Variants in EIF3M observed in about 807,000 individuals in gnomAD.
EIF3M encodes the protein eukaryotic translation initiation factor 3 subunit M, also known as B5 receptor.
In EIF3M, 25 loss-of-function variants were observed where a neutral mutation model predicts 49.7. The observed-to-expected ratio is 0.50, with a 90% CI of 0.37 to 0.70. The LOEUF (loss-of-function observed/expected upper bound fraction) is 0.70, where lower values mean the gene tolerates loss of function less well. EIF3M is among the 30% of genes least tolerant of loss of function. The probability of loss-of-function intolerance (pLI) is 0.00; values close to 1 mark genes in which losing one functional copy is unlikely to be tolerated. For synonymous variants in EIF3M, 156 were observed against 149.8 expected, an observed-to-expected ratio of 1.04 and a Z score of -0.30; for missense variants, 350 against 440.0, an observed-to-expected ratio of 0.80 and a Z score of 1.83.
intron 1 of EIF3M, 182 bp from the exon 2 acceptor site, chr11:32,586,830 G>A: frequency 1.5e-6 from 1 of 685,476 alleles, no homozygotes; most frequent in Non-Finnish European, 2.2e-6. Flanking sequence ...GGACCTCATG[G>A]AGGAAAACCT....
chr11:32,599,374 G>A (rs1245547743), intron 8 of EIF3M, among the ~76,000 whole-genome samples: 2 of 151,944 alleles, frequency 1.3e-5, no homozygotes, highest in Non-Finnish European at 2.9e-5. Context: ...TTGAGTTATG[G>A]TGATCATGTT....
At chr11:32,596,308 C>T (rs541122487) in intron 8 of EIF3M, among the ~76,000 whole-genome samples, 1 of 152,038 alleles carries the variant, frequency 6.6e-6, no homozygotes, top group East Asian at 1.9e-4. Flanking sequence ...GAAAACAACT[C>T]GGGGCCCAGC....
chr11:32,588,594 A>C lies in EIF3M; in HGVS notation c.176A>C (p.Asp59Ala). The change falls in exon 3 of 11, where the codon GAT becomes GCT. Residue 59 changes from aspartate (D) to alanine (A), a missense_variant and splice_region_variant. By Grantham distance (126) the Asp-to-Ala change is moderately radical. Transcript: ENST00000531120. ...CDVCLKEDDK[D>A]VESVMNSVVS... The stretch of plus-strand genomic sequence containing the variant: ...GATTGTGTTATCCATACTTGTGTAG[A>C]TGTTGAAAGTGTGATGAACAGTGTG... 1.2e-6 allele frequency: 2 copies of C among 1,614,024 alleles called. No homozygotes were observed. The highest frequency in any genetic ancestry group is 1.3e-5 in the African/African-American group (1 of 75,038).
At chr11:32,593,459 G>C (rs1452230574) in intron 5 of EIF3M, among the ~76,000 whole-genome samples, 2 of 152,020 alleles carry the variant, frequency 1.3e-5, no homozygotes, top group African/African-American at 4.8e-5. Context: ...CTTTATACTT[G>C]GTTTTCCCTC....
At position 32,602,428 on chromosome 11, in the gene EIF3M, G is replaced by A; in HGVS notation, c.*29G>A. On this transcript the variant is annotated 3_prime_UTR_variant, in exon 11 of 11. Transcript: ENST00000531120. ...TTTATGCTTATAATTTTTGTTCTTT[G>A]AAAAAAAAGCCCTAAATCATAGTAA... 4.4e-6 allele frequency: 7 copies of A among 1,585,496 alleles called. No individual in the cohort carries two copies. Among genetic ancestry groups the A allele is most frequent in the South Asian group, 1.2e-5 (1 of 85,854 alleles).
chr11:32,588,701 G>A lies in EIF3M; in HGVS notation c.283G>A (p.Glu95Lys), dbSNP rs760017065. Residue 95 changes from glutamate (E) to lysine (K), a missense_variant, in exon 3 of 11, where the codon GAA becomes AAA. Glu to Lys is a moderately conservative substitution (Grantham distance 56, BLOSUM62 1). Coordinates refer to ENST00000531120, the MANE Select transcript of EIF3M (RefSeq NM_006360.6). ...ATGTGAAAAGCTGGTCAAATTTCGC[G>A]AAGGTGAACGCCCGTCTCTGAGACT... ...SLCEKLVKFREGERPSLRLQL... is the reference protein window; with the variant it reads ...SLCEKLVKFRKGERPSLRLQL... 20 of 1,614,196 alleles carry A rather than the reference G, an allele frequency of 1.2e-5. No homozygotes were observed. The highest frequency in any genetic ancestry group is 1.6e-5 in the Non-Finnish European group (19 of 1,180,048).
chr11:32,590,387 C>G (rs939439426), intron 5 of EIF3M, among the ~76,000 whole-genome samples: 1 of 152,166 alleles, frequency 6.6e-6, no homozygotes, highest in South Asian at 2.1e-4. Flanking sequence ...GAACGTTTGC[C>G]TACCCCTTGT....
At chr11:32,590,668 C>T (rs1245039135) in intron 5 of EIF3M, among the ~76,000 whole-genome samples, 1 of 152,188 alleles carries the variant, frequency 6.6e-6, no homozygotes, top group African/African-American at 2.4e-5. Flanking sequence ...CACGACATTT[C>T]TGACATTCTG....
rs1004581201 is a variant in EIF3M, at chr11:32,603,624, A to T, written c.*1225A>T. The T allele has an allele frequency of 6.6e-6, 1 of 152,116 alleles. No individual in the cohort carries two copies. The highest frequency in any genetic ancestry group is 1.5e-5 in the Non-Finnish European group (1 of 68,032). The allele number at this position is 152,116 out of a possible 1,614,324, so 9.4% of individuals were successfully genotyped here. ...CTTAGGTCATTAAAAACAATTGTCTATGGCTGCAAAATACTCCCTTTTATG... is the reference window on the plus strand; with the variant it reads ...CTTAGGTCATTAAAAACAATTGTCTTTGGCTGCAAAATACTCCCTTTTATG... On this transcript the variant is annotated 3_prime_UTR_variant, in exon 11 of 11. Coordinates refer to ENST00000531120, the MANE Select transcript of EIF3M (RefSeq NM_006360.6).
intron 5 of EIF3M, among the ~76,000 whole-genome samples, chr11:32,593,056 A>G (rs1408239008): frequency 2.0e-5 from 3 of 152,228 alleles, no homozygotes; most frequent in South Asian, 2.1e-4. Flanking sequence ...GAAGTTTTAG[A>G]TAGCATTTAC....
intron 8 of EIF3M, 70 bp from the exon 9 acceptor site, chr11:32,600,619 C>T: frequency 7.1e-7 from 1 of 1,405,808 alleles, no homozygotes; most frequent in Non-Finnish European, 9.4e-7. Context: ...CACAGCTTAA[C>T]ATGAGATGTA....
chr11:32,588,943 G>T, intron 3 of EIF3M, 69 bp from the exon 4 acceptor site: 1 of 1,583,260 alleles, frequency 6.3e-7, no homozygotes, highest in Admixed American at 1.7e-5. Flanking sequence ...GGTTTGTGGT[G>T]AGAGCTAACC....
chr11:32,593,803 A>G, intron 5 of EIF3M, 63 bp from the exon 6 acceptor site: 1 of 1,160,556 alleles, frequency 8.6e-7, no homozygotes, highest in Non-Finnish European at 1.1e-6. Context: ...GCCTCTTAAA[A>G]ATATTTTAAA....
intron 10 of EIF3M, 123 bp from the exon 11 acceptor site, chr11:32,602,156 C>A: frequency 7.5e-7 from 1 of 1,337,544 alleles, no homozygotes; most frequent in Non-Finnish European, 1.0e-6. Flanking sequence ...CTTAAATTCT[C>A]TTACTATTCT....
intron 5 of EIF3M, chr11:32,592,240 T>C (rs1349859586): frequency 2.4e-6 from 1 of 411,366 alleles, no homozygotes; most frequent in Non-Finnish European, 4.6e-6. Flanking sequence ...ATCTGTTGTT[T>C]AAAAAGGGCC....
Position 32,602,462 on chromosome 11 carries a change from A to G in EIF3M, c.*63A>G, listed in dbSNP as rs1163441189. ...GCCCTAAATCATAGTAAAACATTAT[A>G]AACTAAAAAAATTTGCCTAGTCTGG... On this transcript the variant is annotated 3_prime_UTR_variant, in exon 11 of 11. Coordinates refer to ENST00000531120, the MANE Select transcript of EIF3M (RefSeq NM_006360.6). 1.9e-6 allele frequency: 3 copies of G among 1,553,914 alleles called. No homozygotes were observed. In the African/African-American group the frequency reaches 4.1e-5, roughly 21 times the overall value.
chr11:32,586,950 C>T, intron 1 of EIF3M, 62 bp from the exon 2 acceptor site: 1 of 1,474,388 alleles, frequency 6.8e-7, no homozygotes, highest in South Asian at 1.4e-5. Context: ...AGAAAGAGGA[C>T]AGAATTTGAG....
At chr11:32,585,241 AT>A (rs748092320) in intron 1 of EIF3M, among the ~76,000 whole-genome samples, 25 of 152,258 alleles carry the variant, frequency 1.6e-4, no homozygotes, top group Non-Finnish European at 3.5e-4. Context: ...CTGATTAGAA[AT>A]GGAAGCATGT....
intron 8 of EIF3M, among the ~76,000 whole-genome samples, chr11:32,599,675 A>G (rs1855231643): frequency 6.6e-6 from 1 of 152,002 alleles, no homozygotes. Flanking sequence ...TAGTTTTATA[A>G]TTAATAAGTT....
Sources: gnomAD v4.1 joint callset for allele counts (sites outside exome capture counted in the v4.1 genomes callset) on GRCh38, gnomAD v4.1.1 for gene constraint, MANE v1.5 for transcripts, NCBI Gene and HGNC (gene_info 2026-07-23, HGNC 2026-07-21) for gene names.